Variants in ELAPOR2 observed in about 807,000 individuals in gnomAD.
ELAPOR2 encodes the protein endosome/lysosome-associated apoptosis and autophagy regulator family member 2.
ELAPOR2 carries 89 observed loss-of-function variants against 120.7 expected under a neutral mutation model. The ratio of observed to expected loss-of-function variants is 0.74; its 90% CI spans 0.62 to 0.88. The LOEUF (loss-of-function observed/expected upper bound fraction) is 0.88. Ranked by LOEUF, ELAPOR2 falls within the 40% of genes least tolerant of loss-of-function variation. The pLI is 0.00. For synonymous variants in ELAPOR2, 444 were observed against 444.9 expected (o/e 1.00, Z 0.03); for missense variants, 1,134 against 1,251.6 (o/e 0.91, Z 1.42).
intron 13 of ELAPOR2, among the ~76,000 whole-genome samples, chr7:86,914,020 A>G (rs938129383): frequency 6.6e-6 from 1 of 152,164 alleles, no homozygotes; most frequent in Non-Finnish European, 1.5e-5. Context: ...AATCTGGGGA[A>G]TTTATTCCCC....
chr7:86,880,641 C>A, intron 21 of ELAPOR2, 111 bp from the exon 22 acceptor site: 1 of 691,336 alleles, frequency 1.4e-6, no homozygotes. Flanking sequence ...TATCTAGTTG[C>A]CACTTGTGAT....
intron 2 of ELAPOR2, among the ~76,000 whole-genome samples, chr7:86,955,079 C>CA (rs1032475599): frequency 3.9e-5 from 6 of 151,902 alleles, no homozygotes; most frequent in African/African-American, 9.7e-5. Flanking sequence ...TTTCACACAC[C>CA]AAAAAAGCAG....
At chr7:87,023,547 G>A (rs1794135728) in intron 1 of ELAPOR2, among the ~76,000 whole-genome samples, 1 of 152,134 alleles carries the variant, frequency 6.6e-6, no homozygotes, top group Admixed American at 6.6e-5. Flanking sequence ...TGGCAATGCG[G>A]GCTCTTTTTT....
At position 86,898,559 on chromosome 7, in the gene ELAPOR2, C is replaced by CAAA. The variant is rs11418158; in HGVS notation, c.2559-930_2559-928dup. On this transcript the variant is annotated intron_variant, in intron 18 of 21. Coordinates refer to ENST00000450689, the MANE Select transcript of ELAPOR2 (RefSeq NM_001142749.3). Reference sequence around the variant, plus strand: ...TAATTTAAGAGAGAGACACAATGACCAAAAAAAAAAAAAAAAAAAAAGGCT... The same window carrying CAAA: ...TAATTTAAGAGAGAGACACAATGACCAAAAAAAAAAAAAAAAAAAAAAAAGGCT... 8.3e-3 allele frequency among the ~76,000 whole-genome samples: 552 copies of CAAA among 66,338 alleles called. 15 individuals are homozygous for CAAA. The highest frequency in any genetic ancestry group is 0.024 in the African/African-American group (453 of 19,198). 43.5% of individuals were successfully genotyped at this position (66,338 alleles called of 152,430 possible).
intron 1 of ELAPOR2, among the ~76,000 whole-genome samples, chr7:87,027,879 A>G (rs1176790719): frequency 6.6e-6 from 1 of 152,144 alleles, no homozygotes; most frequent in Admixed American, 6.6e-5. Flanking sequence ...GATATCCCCA[A>G]ACTAGAAAGA....
chr7:87,046,560 C>A (rs980594171), intron 1 of ELAPOR2, among the ~76,000 whole-genome samples: 1 of 152,172 alleles, frequency 6.6e-6, no homozygotes, highest in African/African-American at 2.4e-5. Context: ...CATGTGTCGA[C>A]GGAGGGAACT....
intron 10 of ELAPOR2, among the ~76,000 whole-genome samples, chr7:86,924,337 C>T (rs1178308496): frequency 2.0e-5 from 3 of 150,576 alleles, no homozygotes; most frequent in Non-Finnish European, 3.0e-5. Flanking sequence ...CTATAAGATC[C>T]AATTAAAGTT....
chr7:87,004,964 T>C lies in ELAPOR2; in HGVS notation c.190-39940A>G, dbSNP rs190575044. ...TGCAACTGCCCAGAGCTACCAATAA[T>C]GAGATCTCCAAGGCAGCTTCCTAAT... is the stretch of plus-strand genomic sequence containing the variant. On this transcript the variant is annotated intron_variant, in intron 1 of 21. Coordinates refer to ENST00000450689, the MANE Select transcript of ELAPOR2 (RefSeq NM_001142749.3). 1.2e-4 allele frequency among the ~76,000 whole-genome samples: 18 copies of C among 152,168 alleles called. No individual in the cohort carries two copies. In the East Asian group the frequency reaches 2.3e-3, roughly 20 times the overall value.
intron 1 of ELAPOR2, among the ~76,000 whole-genome samples, chr7:86,988,085 A>T (rs1171480087): frequency 2.0e-5 from 3 of 152,164 alleles, no homozygotes; most frequent in African/African-American, 7.2e-5. Flanking sequence ...TTCTGGGCAA[A>T]CTATCACAAG....
At chr7:86,992,365 A>C (rs573540890) in intron 1 of ELAPOR2, among the ~76,000 whole-genome samples, 2 of 152,322 alleles carry the variant, frequency 1.3e-5, no homozygotes, top group Middle Eastern at 3.4e-3. Flanking sequence ...TGGGAGTTTG[A>C]GGCTGTAGTG....
chr7:86,997,428 G>A (rs1047673329), intron 1 of ELAPOR2, among the ~76,000 whole-genome samples: 3 of 151,962 alleles, frequency 2.0e-5, no homozygotes, highest in Non-Finnish European at 2.9e-5. Context: ...CCTCTCATAC[G>A]GAATTACCAG....
rs1791859148 is a variant in ELAPOR2 at position 86,965,139 on chromosome 7, T to G, written c.190-115A>C. On this transcript the variant is annotated intron_variant, in intron 1 of 21. Transcript: ENST00000450689. ...AGCTGTACCCTCTCCTTGATTCTTA[T>G]CCCTCCCCCATCCCACCCACACCAA... 1.1e-5 allele frequency: 11 copies of G among 1,046,096 alleles called. No homozygotes were observed. In the South Asian group the frequency reaches 1.7e-4, roughly 16 times the overall value. 64.8% of individuals were successfully genotyped at this position (1,046,096 alleles called of 1,614,324 possible). A position where few individuals can be genotyped will look rare whatever the true frequency, so the allele number is the denominator to read the frequency against.
rs570182071 is a variant in ELAPOR2, at chr7:86,905,352, A to C, written c.2558+2318T>G. On this transcript the variant is annotated intron_variant, in intron 18 of 21. Transcript: ENST00000450689. ...AAAACCAAAACAAACAAACAAAAAA[A>C]CCTAATAATTTCAGGAAAGCTGCTG... 5.9e-5 allele frequency among the ~76,000 whole-genome samples: 9 copies of C among 152,008 alleles called. No homozygotes were observed. The South Asian group carries it at 1.9e-3, about 32-fold the overall frequency.
intron 1 of ELAPOR2, among the ~76,000 whole-genome samples, chr7:87,010,304 T>C (rs1464772564): frequency 6.6e-6 from 1 of 152,198 alleles, no homozygotes; most frequent in Non-Finnish European, 1.5e-5. Flanking sequence ...ATTTAACAGA[T>C]ATAAATGGAG....
intron 8 of ELAPOR2, among the ~76,000 whole-genome samples, chr7:86,934,237 T>C (rs1790462964): frequency 1.3e-5 from 2 of 151,986 alleles, no homozygotes; most frequent in African/African-American, 4.8e-5. Flanking sequence ...AACCTAAGCA[T>C]GGGCCAAGAA....
chr7:86,907,090 G>C (rs1451403362), intron 18 of ELAPOR2, among the ~76,000 whole-genome samples: 1 of 152,064 alleles, frequency 6.6e-6, no homozygotes, highest in Non-Finnish European at 1.5e-5. Flanking sequence ...CTTCACTATA[G>C]AGGGCTATTG....
At chr7:86,916,813 G>A (rs1239759820) in intron 12 of ELAPOR2, among the ~76,000 whole-genome samples, 1 of 151,966 alleles carries the variant, frequency 6.6e-6, no homozygotes, top group Non-Finnish European at 1.5e-5. Context: ...GTTGAATTTT[G>A]GGGTGTCTTC....
At chr7:86,960,443 G>A (rs1208928196) in intron 2 of ELAPOR2, among the ~76,000 whole-genome samples, 1 of 151,992 alleles carries the variant, frequency 6.6e-6, no homozygotes, top group Non-Finnish European at 1.5e-5. Context: ...AGTAGAGACG[G>A]GGTTTCACTA....
intron 1 of ELAPOR2, among the ~76,000 whole-genome samples, chr7:86,973,204 T>C (rs1259346846): frequency 6.6e-6 from 1 of 152,160 alleles, no homozygotes; most frequent in East Asian, 1.9e-4. Flanking sequence ...TGACTTACCA[T>C]TGGCCTGAGG....
Sources: gnomAD v4.1 joint callset for allele counts (sites outside exome capture counted in the v4.1 genomes callset) on GRCh38, gnomAD v4.1.1 for gene constraint, MANE v1.5 for transcripts, NCBI Gene and HGNC (gene_info 2026-07-23, HGNC 2026-07-21) for gene names.